Variants in ZHX2 observed in about 807,000 individuals in gnomAD.
ZHX2 encodes zinc fingers and homeoboxes 2, also known as zinc fingers and homeoboxes protein 2.
In ZHX2, 6 loss-of-function variants were observed where a neutral mutation model predicts 21.9. The observed-to-expected ratio is 0.27, with a 90% CI of 0.15 to 0.54. ZHX2 has a LOEUF of 0.54. Among genes scored for constraint, ZHX2 ranks in the 20% least tolerant of loss-of-function variants. The probability of loss-of-function intolerance (pLI) is 0.95; values close to 1 mark genes in which losing one functional copy is unlikely to be tolerated. For synonymous variants in ZHX2, 434 were observed against 437.1 expected, an observed-to-expected ratio of 0.99 and a Z score of 0.09; for missense variants, 908 against 1,090.7, an observed-to-expected ratio of 0.83 and a Z score of 2.36.
At chr8:122,847,909 A>G (rs1453006878) in intron 1 of ZHX2, among the ~76,000 whole-genome samples, 1 of 152,182 alleles carries the variant, frequency 6.6e-6, no homozygotes, top group Non-Finnish European at 1.5e-5. Context: ...GGAGGCCCTT[A>G]GACAGTAATG....
At chr8:122,785,176 A>G (rs562433420) in intron 1 of ZHX2, among the ~76,000 whole-genome samples, 1 of 152,326 alleles carries the variant, frequency 6.6e-6, no homozygotes, top group South Asian at 2.1e-4. Flanking sequence ...GAGCAGCTGA[A>G]CTGCCCCATG....
At chr8:122,940,433 C>G (rs1285767292) in intron 2 of ZHX2, among the ~76,000 whole-genome samples, 1 of 152,158 alleles carries the variant, frequency 6.6e-6, no homozygotes, top group Non-Finnish European at 1.5e-5. Context: ...TTCTGACTGC[C>G]CTGTCTGAAG....
At chr8:122,866,083 G>T (rs751967145) in intron 2 of ZHX2, among the ~76,000 whole-genome samples, 64 of 152,326 alleles carry the variant, frequency 4.2e-4, no homozygotes, top group Admixed American at 1.1e-3. Flanking sequence ...AGTGAATGGG[G>T]ACACCCTTAC....
chr8:122,869,133 A>C (rs1044068496), intron 2 of ZHX2, among the ~76,000 whole-genome samples: 2 of 152,134 alleles, frequency 1.3e-5, no homozygotes, highest in Non-Finnish European at 2.9e-5. Context: ...TGAGGCCTAG[A>C]GCAGAACTTC....
intron 2 of ZHX2, among the ~76,000 whole-genome samples, chr8:122,943,669 G>A (rs1586409687): frequency 6.6e-6 from 1 of 152,210 alleles, no homozygotes; most frequent in East Asian, 1.9e-4. Flanking sequence ...GGAGAAACTT[G>A]GAGGTGGGTG....
chr8:122,959,980 A>G, intron 3 of ZHX2, among the ~76,000 whole-genome samples: 1 of 152,146 alleles, frequency 6.6e-6, no homozygotes, highest in Non-Finnish European at 1.5e-5. Context: ...TAGCCCAGAG[A>G]CATTCCTAAT....
intron 1 of ZHX2, among the ~76,000 whole-genome samples, chr8:122,840,526 A>T (rs1169441276): frequency 2.6e-5 from 4 of 152,228 alleles, no homozygotes; most frequent in African/African-American, 9.6e-5. Context: ...TTGCATAGAA[A>T]AAGTGCTTTA....
chr8:122,960,027 G>A (rs1813405050), intron 3 of ZHX2, among the ~76,000 whole-genome samples: 5 of 152,258 alleles, frequency 3.3e-5, no homozygotes, highest in African/African-American at 1.2e-4. Context: ...AGTATTTGTG[G>A]AATGTCTGCA....
intron 1 of ZHX2, among the ~76,000 whole-genome samples, chr8:122,832,186 T>C (rs1818391726): frequency 6.6e-6 from 1 of 151,974 alleles, no homozygotes; most frequent in South Asian, 2.1e-4. Flanking sequence ...GGTTAGACGG[T>C]GATGTGGGGA....
At chr8:122,907,233 G>A (rs1377521188) in intron 2 of ZHX2, among the ~76,000 whole-genome samples, 2 of 152,160 alleles carry the variant, frequency 1.3e-5, no homozygotes, top group African/African-American at 4.8e-5. Context: ...TGTGCCTAAG[G>A]TGGTTGGGGC....
chr8:122,930,952 A>G (rs755464310), intron 2 of ZHX2, among the ~76,000 whole-genome samples: 1 of 115,360 alleles, frequency 8.7e-6, no homozygotes, highest in South Asian at 3.0e-4. Context: ...TTTCGGCCCA[A>G]AGCTGGTCCT....
intron 2 of ZHX2, among the ~76,000 whole-genome samples, chr8:122,948,136 C>A (rs1813023675): frequency 6.6e-6 from 1 of 152,172 alleles, no homozygotes; most frequent in Non-Finnish European, 1.5e-5. Context: ...AAGTGTGTCA[C>A]CGAGCCCCTA....
rs182587323 is a variant in ZHX2 at position 122,963,015 on chromosome 8, A to G, written c.*4+8987A>G. 4.0e-3 allele frequency among the ~76,000 whole-genome samples: 605 copies of G among 151,736 alleles called. 8 individuals carry two copies. Among genetic ancestry groups the G allele is most frequent in the African/African-American group, 0.014 (580 of 41,334 alleles). On this transcript the variant is annotated intron_variant, in intron 3 of 3. Coordinates refer to ENST00000314393, the MANE Select transcript of ZHX2 (RefSeq NM_014943.5). ...TGTTTGAGTTCCTTGTAGATTCTGG[A>G]TATTAGTCCTTTGTCAGATGCGTAG... is the stretch of plus-strand genomic sequence containing the variant.
chr8:122,899,038 T>A (rs1425100933), intron 2 of ZHX2, among the ~76,000 whole-genome samples: 1 of 152,180 alleles, frequency 6.6e-6, no homozygotes, highest in Non-Finnish European at 1.5e-5. Flanking sequence ...GGTCTAGGGT[T>A]AGGGATTCAG....
At chr8:122,867,446 A>G (rs1393277260) in intron 2 of ZHX2, among the ~76,000 whole-genome samples, 1 of 152,188 alleles carries the variant, frequency 6.6e-6, no homozygotes, top group Non-Finnish European at 1.5e-5. Context: ...CTTTTAAGCC[A>G]TTTACTCTCT....
At chr8:122,889,896 A>T (rs1393896453) in intron 2 of ZHX2, among the ~76,000 whole-genome samples, 2 of 152,086 alleles carry the variant, frequency 1.3e-5, no homozygotes, top group Admixed American at 1.3e-4. Context: ...AGAGGACTGT[A>T]TTTCCTCCCA....
intron 1 of ZHX2, among the ~76,000 whole-genome samples, chr8:122,856,513 A>G (rs1035513241): frequency 1.3e-5 from 2 of 152,082 alleles, no homozygotes; most frequent in Non-Finnish European, 2.9e-5. Context: ...CAGTTCACTC[A>G]TATCTCTTCT....
At chr8:122,969,018 G>A (rs542192974) in intron 3 of ZHX2, among the ~76,000 whole-genome samples, 6 of 151,962 alleles carry the variant, frequency 3.9e-5, no homozygotes, top group South Asian at 2.1e-4. Context: ...AATTAGAGCC[G>A]GGTGTGGTGG....
intron 1 of ZHX2, among the ~76,000 whole-genome samples, chr8:122,859,906 TTTAATA>T (rs1236124992): frequency 2.0e-5 from 3 of 152,242 alleles, no homozygotes; most frequent in African/African-American, 7.2e-5. Flanking sequence ...ATGCTCAACA[TTTAATA>T]TTAACATGTT....
Sources: allele counts gnomAD v4.1 joint callset (sites outside exome capture counted in the v4.1 genomes callset), GRCh38; gene constraint gnomAD v4.1.1; transcripts MANE v1.5; gene names NCBI Gene and HGNC (gene_info 2026-07-23, HGNC 2026-07-21).